TNFSF4: variants seen among roughly 807,000 people sequenced by gnomAD.
TNFSF4 encodes the protein TNF superfamily member 4, also known as tumor necrosis factor ligand superfamily member 4.
Under a neutral mutation model 7.3 loss-of-function variants are expected in TNFSF4, and 4 were observed. The ratio of observed to expected loss-of-function variants is 0.55; its 90% CI spans 0.27 to 1.25. The LOEUF is 1.25. Among genes scored for constraint, TNFSF4 ranks in the 50% most tolerant of loss-of-function variants. TNFSF4 has a pLI of 0.12. For synonymous variants in TNFSF4, 76 were observed against 83.7 expected (o/e 0.91, Z 0.50); for missense variants, 181 against 208.8 (o/e 0.87, Z 0.82).
chr1:173,382,544 C>G, the TNFSF4 span, among the ~76,000 whole-genome samples: 1 of 152,186 alleles, frequency 6.6e-6, no homozygotes. Context: ...GCACGTTCTG[C>G]ACGTGTATCC....
chr1:173,311,880 G>A, the TNFSF4 span, among the ~76,000 whole-genome samples: 1 of 152,096 alleles, frequency 6.6e-6, no homozygotes, highest in Non-Finnish European at 1.5e-5. Context: ...CACATCCTCT[G>A]ATAGCTTTTC....
the TNFSF4 span, among the ~76,000 whole-genome samples, chr1:173,437,934 C>A: frequency 3.9e-5 from 6 of 151,988 alleles, no homozygotes; most frequent in African/African-American, 1.2e-4. Flanking sequence ...AAATTAAAAT[C>A]ACATCATCAA....
the TNFSF4 span, among the ~76,000 whole-genome samples, chr1:173,258,393 C>G: frequency 6.6e-6 from 1 of 152,078 alleles, no homozygotes; most frequent in Non-Finnish European, 1.5e-5. Context: ...GCAAGGGGAG[C>G]TCTCATCCCC....
the TNFSF4 span, among the ~76,000 whole-genome samples, chr1:173,173,448 C>T: frequency 7.2e-5 from 11 of 152,118 alleles, no homozygotes; most frequent in Non-Finnish European, 1.0e-4. Context: ...GAGAAATTGA[C>T]CAAAACAAAG....
At chr1:173,203,858 C>T (rs781293639) in intron 1 of TNFSF4, among the ~76,000 whole-genome samples, 23 of 152,142 alleles carry the variant, frequency 1.5e-4, no homozygotes, top group Non-Finnish European at 2.4e-4. Context: ...GCTTTTTCTG[C>T]CTTTGTTCCA....
chr1:173,174,386 A>G, the TNFSF4 span: 5 of 152,390 alleles, frequency 3.3e-5, no homozygotes, highest in East Asian at 9.6e-4. Context: ...ATTTTCATGT[A>G]TCTTTACAGT....
At chr1:173,406,993 G>A in the TNFSF4 span, among the ~76,000 whole-genome samples, 2 of 152,164 alleles carry the variant, frequency 1.3e-5, no homozygotes, top group African/African-American at 2.4e-5. Context: ...GGAGACAGTA[G>A]CAATGGCAAG....
chr1:173,270,106 G>A, the TNFSF4 span, among the ~76,000 whole-genome samples: 1 of 152,284 alleles, frequency 6.6e-6, no homozygotes, highest in Non-Finnish European at 1.5e-5. Flanking sequence ...AATCTCAATT[G>A]TCTTTTGACT....
At chr1:173,284,479 C>T in the TNFSF4 span, among the ~76,000 whole-genome samples, 2 of 152,204 alleles carry the variant, frequency 1.3e-5, no homozygotes, top group Admixed American at 1.3e-4. Flanking sequence ...CTCTACTACA[C>T]AACAGGGTTT....
chr1:173,361,427 C>A, the TNFSF4 span, among the ~76,000 whole-genome samples: 7 of 152,130 alleles, frequency 4.6e-5, no homozygotes, highest in East Asian at 1.4e-3. Flanking sequence ...GGTGAAACCC[C>A]ATCTCTACTA....
At chr1:173,294,757 CT>C in the TNFSF4 span, among the ~76,000 whole-genome samples, 2 of 151,966 alleles carry the variant, frequency 1.3e-5, no homozygotes, top group African/African-American at 2.4e-5. Flanking sequence ...CAAAGTTGGA[CT>C]TTGAAAAGAA....
At chr1:173,296,284 A>G in the TNFSF4 span, among the ~76,000 whole-genome samples, 1 of 152,018 alleles carries the variant, frequency 6.6e-6, no homozygotes, top group Non-Finnish European at 1.5e-5. Context: ...TGCAAATGAC[A>G]TGTCTCATTA....
At chr1:173,261,182 A>G in the TNFSF4 span, among the ~76,000 whole-genome samples, 4 of 152,220 alleles carry the variant, frequency 2.6e-5, no homozygotes, top group Non-Finnish European at 5.9e-5. Context: ...AAGACTAAGA[A>G]ACCACACAAC....
At chr1:173,311,625 T>G in the TNFSF4 span, among the ~76,000 whole-genome samples, 1 of 152,084 alleles carries the variant, frequency 6.6e-6, no homozygotes, top group Non-Finnish European at 1.5e-5. Context: ...CATTTCTTTG[T>G]GTGGAAAACC....
chr1:173,290,725 A>G, the TNFSF4 span, among the ~76,000 whole-genome samples: 2 of 152,142 alleles, frequency 1.3e-5, no homozygotes, highest in African/African-American at 4.8e-5. Context: ...CACCTGACCA[A>G]TTGGACCTAA....
chr1:173,356,544 CTT>C, the TNFSF4 span, among the ~76,000 whole-genome samples: 1 of 152,216 alleles, frequency 6.6e-6, no homozygotes, highest in African/African-American at 2.4e-5. Context: ...TAGTACCTGA[CTT>C]TGATTCTTGT....
the TNFSF4 span, among the ~76,000 whole-genome samples, chr1:173,347,792 T>C: frequency 3.2e-3 from 480 of 152,278 alleles, 1 homozygote; most frequent in African/African-American, 0.011. Context: ...AACATTGACA[T>C]TTGGGGCCAC....
the TNFSF4 span, among the ~76,000 whole-genome samples, chr1:173,239,986 A>C: frequency 2.0e-5 from 3 of 152,066 alleles, no homozygotes; most frequent in African/African-American, 2.4e-5. Context: ...AGCAGACATC[A>C]CGCCACTGTA....
chr1:173,437,362 AT>A, the TNFSF4 span, among the ~76,000 whole-genome samples: 6 of 152,060 alleles, frequency 3.9e-5, no homozygotes, highest in South Asian at 1.0e-3. Context: ...AACTTTGTTA[AT>A]TTTTTTGTTG....
Sources: allele counts gnomAD v4.1 joint callset (sites outside exome capture counted in the v4.1 genomes callset), GRCh38; gene constraint gnomAD v4.1.1; transcripts MANE v1.5; gene names NCBI Gene and HGNC (gene_info 2026-07-23, HGNC 2026-07-21).